The following ERG variants were observed in gnomAD, a reference collection of about 807,000 sequenced individuals.
ERG encodes the protein transcriptional regulator ERG.
In ERG, 9 loss-of-function variants were observed where a neutral mutation model predicts 55.3. The ratio of observed to expected loss-of-function variants is 0.16; its 90% CI spans 0.10 to 0.28. The LOEUF (loss-of-function observed/expected upper bound fraction) is 0.28. Ranked by LOEUF, ERG falls within the 10% of genes least tolerant of loss-of-function variation. The pLI is 1.00. For synonymous variants in ERG, 223 were observed against 237.3 expected (o/e 0.94, Z 0.55); for missense variants, 434 against 631.6 (o/e 0.69, Z 3.35).
At chr21:38,468,018 T>C (rs557188169) in intron 1 of ERG, among the ~76,000 whole-genome samples, 1 of 152,318 alleles carries the variant, frequency 6.6e-6, no homozygotes, top group East Asian at 1.9e-4. Flanking sequence ...TTAAAACATT[T>C]CACTGGTCAT....
At chr21:38,448,372 G>C (rs1022885406) in intron 1 of ERG, among the ~76,000 whole-genome samples, 53 of 152,184 alleles carry the variant, frequency 3.5e-4, no homozygotes, top group African/African-American at 1.1e-3. Context: ...CAACCCCTCA[G>C]TTGCTTTTGT....
chr21:38,613,365 C>G (rs1423273156), intron 1 of ERG, among the ~76,000 whole-genome samples: 2 of 152,226 alleles, frequency 1.3e-5, no homozygotes, highest in East Asian at 3.8e-4. Flanking sequence ...ACCTCTAACA[C>G]TCTCATCAGA....
rs557883657 is a variant in ERG, at chr21:38,396,834, G to C, written c.745+3740C>G. Among the ~76,000 whole-genome samples, 10 of 152,290 alleles carry C rather than the reference G, an allele frequency of 6.6e-5. 1 individual carries two copies. The South Asian group carries it at 2.1e-3, about 32-fold the overall frequency. ...TCAGCAAAAAAGAAGGGTGTTTGTA[G>C]AGGAGGTACAGAAAGGGATTCTGGT... is the stretch of plus-strand genomic sequence containing the variant. On this transcript the variant is annotated intron_variant, in intron 6 of 9. Transcript: ENST00000288319.
chr21:38,645,851 T>A (rs1438535472), intron 1 of ERG, among the ~76,000 whole-genome samples: 1 of 152,188 alleles, frequency 6.6e-6, no homozygotes, highest in Non-Finnish European at 1.5e-5. Flanking sequence ...TTGTTGATGT[T>A]TAATGCAGGT....
intron 2 of ERG, among the ~76,000 whole-genome samples, chr21:38,526,863 G>T (rs974403768): frequency 1.3e-5 from 2 of 152,098 alleles, no homozygotes; most frequent in African/African-American, 4.8e-5. Flanking sequence ...AGCAGCAAAA[G>T]GAGGAAATTA....
At chr21:38,656,580 T>C (rs2060520527) in intron 1 of ERG, among the ~76,000 whole-genome samples, 1 of 152,198 alleles carries the variant, frequency 6.6e-6, no homozygotes, top group South Asian at 2.1e-4. Flanking sequence ...TTTCCAACTT[T>C]AAGTACTTTA....
intron 1 of ERG, among the ~76,000 whole-genome samples, chr21:38,488,798 G>A (rs2059310217): frequency 6.6e-6 from 1 of 152,184 alleles, no homozygotes; most frequent in African/African-American, 2.4e-5. Flanking sequence ...ATTCAAAGGA[G>A]ACAGAGGTGC....
intron 1 of ERG, among the ~76,000 whole-genome samples, chr21:38,452,627 C>A (rs2058952299): frequency 6.6e-6 from 1 of 152,200 alleles, no homozygotes; most frequent in South Asian, 2.1e-4. Context: ...CTAAAAGATA[C>A]AGAGAACCTG....
upstream of ERG, among the ~76,000 whole-genome samples, chr21:38,589,487 A>G (rs1048852055): frequency 6.6e-6 from 1 of 152,194 alleles, no homozygotes; most frequent in Non-Finnish European, 1.5e-5. Context: ...CCCCAACACC[A>G]GTGTAAATCC....
At chr21:38,543,737 CTT>C (rs542648278) in intron 2 of ERG, among the ~76,000 whole-genome samples, 8 of 133,404 alleles carry the variant, frequency 6.0e-5, no homozygotes, top group Middle Eastern at 3.5e-3. Context: ...GTGAGAAACA[CTT>C]TTTTTTTTTT....
At chr21:38,619,563 C>G (rs1440455017) in intron 1 of ERG, among the ~76,000 whole-genome samples, 5 of 152,228 alleles carry the variant, frequency 3.3e-5, no homozygotes, top group African/African-American at 1.2e-4. Context: ...CATCACTTTT[C>G]TGAGATTCTA....
chr21:38,619,128 G>T (rs888471919), intron 1 of ERG, among the ~76,000 whole-genome samples: 5 of 152,068 alleles, frequency 3.3e-5, no homozygotes, highest in Non-Finnish European at 5.9e-5. Flanking sequence ...TGGTGTCAAT[G>T]ACACACTCTA....
intron 3 of ERG, among the ~76,000 whole-genome samples, chr21:38,412,485 C>A (rs1171620133): frequency 6.6e-6 from 1 of 152,126 alleles, no homozygotes; most frequent in Non-Finnish European, 1.5e-5. Context: ...ATTTTCTACT[C>A]CCTACTTAGG....
intron 5 of ERG, among the ~76,000 whole-genome samples, chr21:38,401,941 T>C (rs1988514750): frequency 6.6e-6 from 1 of 152,194 alleles, no homozygotes; most frequent in South Asian, 2.1e-4. Flanking sequence ...CGGTTAGAGA[T>C]AGAAAACAGG....
chr21:38,517,769 T>C (rs1056154653), intron 2 of ERG, among the ~76,000 whole-genome samples: 7 of 152,142 alleles, frequency 4.6e-5, no homozygotes, highest in African/African-American at 1.7e-4. Context: ...TGGAATACTA[T>C]TTGGCCATAA....
At chr21:38,607,226 G>A (rs2060201489) in intron 1 of ERG, among the ~76,000 whole-genome samples, 1 of 152,198 alleles carries the variant, frequency 6.6e-6, no homozygotes, top group South Asian at 2.1e-4. Flanking sequence ...TTGAAGAAAT[G>A]TTGAGGGAAA....
intron 1 of ERG, among the ~76,000 whole-genome samples, chr21:38,595,276 C>T (rs914634463): frequency 6.6e-6 from 1 of 152,130 alleles, no homozygotes; most frequent in South Asian, 2.1e-4. Context: ...GGCAGAGAGG[C>T]CAGTTCCAGG....
chr21:38,410,948 G>A (rs1020320173), intron 3 of ERG, among the ~76,000 whole-genome samples: 2 of 152,116 alleles, frequency 1.3e-5, no homozygotes, highest in Admixed American at 1.3e-4. Flanking sequence ...AAACTAAAAT[G>A]TACCTCTAAG....
At chr21:38,641,297 C>G (rs1253644285) in intron 1 of ERG, among the ~76,000 whole-genome samples, 2 of 152,204 alleles carry the variant, frequency 1.3e-5, no homozygotes, top group Non-Finnish European at 2.9e-5. Context: ...ACCCCTTCTA[C>G]CATTTGAGGA....
Sources: allele counts gnomAD v4.1 joint callset (sites outside exome capture counted in the v4.1 genomes callset), GRCh38; gene constraint gnomAD v4.1.1; transcripts MANE v1.5; gene names NCBI Gene and HGNC (gene_info 2026-07-23, HGNC 2026-07-21).